The following KCNN2 variants were observed in gnomAD, a reference collection of about 807,000 sequenced individuals.
KCNN2 encodes the protein small conductance calcium-activated potassium channel protein 2.
In KCNN2, 24 loss-of-function variants were observed where a neutral mutation model predicts 55.5. The ratio of observed to expected loss-of-function variants is 0.43; its 90% CI spans 0.31 to 0.61. KCNN2 has a LOEUF of 0.61. Among genes scored for constraint, KCNN2 ranks in the 20% least tolerant of loss-of-function variants. The pLI is 0.08. For missense variants in KCNN2, 754 were observed against 853.6 expected (o/e 0.88, Z 1.45); for synonymous variants, 431 against 336.1 (o/e 1.28, Z -3.09).
At position 114,175,473 on chromosome 5, in the gene KCNN2, T is replaced by C. The variant is rs566053499; in HGVS notation, c.-270-46007T>C. 2.0e-5 allele frequency among the ~76,000 whole-genome samples: 3 copies of C among 152,268 alleles called. No individual in the cohort carries two copies. In the South Asian group the frequency reaches 6.2e-4, roughly 32 times the overall value. On this transcript the variant is annotated intron_variant, in intron 1 of 10. Transcript: ENST00000512097. Reference sequence around the variant, plus strand: ...GGTAAATAACATTTATAATCACATATGGTGGGATCTGCATCACTTTGAAAG... The same window carrying C: ...GGTAAATAACATTTATAATCACATACGGTGGGATCTGCATCACTTTGAAAG...
intron 2 of KCNN2, among the ~76,000 whole-genome samples, chr5:114,379,334 G>A (rs1389279457): frequency 6.6e-6 from 1 of 151,534 alleles, no homozygotes; most frequent in Non-Finnish European, 1.5e-5. Context: ...TGACATTCTT[G>A]TGCCTTCATT....
intron 1 of KCNN2, among the ~76,000 whole-genome samples, chr5:114,114,740 C>A (rs539265102): frequency 1.8e-4 from 28 of 152,226 alleles, no homozygotes; most frequent in African/African-American, 5.8e-4. Flanking sequence ...AATCAATCAT[C>A]TAATCAGCAT....
rs1394808404 is a variant in KCNN2 at position 114,341,081 on chromosome 5, G to T, written c.-184-19864G>T. Among the ~76,000 whole-genome samples, 5 of 152,106 alleles carry T rather than the reference G, an allele frequency of 3.3e-5. No homozygotes were observed. The Middle Eastern group carries it at 0.01, about 310-fold the overall frequency. ...GTATATACCACATTTTCTTTATCCG[G>T]TCATCCATTGGCAGACACTTAGGTT... is the stretch of plus-strand genomic sequence containing the variant. On this transcript the variant is annotated intron_variant, in intron 2 of 10. Coordinates refer to the KCNN2 transcript ENST00000512097.
chr5:114,254,561 A>C (rs1486078305), intron 2 of KCNN2, among the ~76,000 whole-genome samples: 1 of 152,232 alleles, frequency 6.6e-6, no homozygotes, highest in South Asian at 2.1e-4. Flanking sequence ...AAGCAGTCCC[A>C]GTATCTGCAG....
intron 2 of KCNN2, among the ~76,000 whole-genome samples, chr5:114,342,091 C>A (rs191347704): frequency 6.6e-6 from 1 of 151,902 alleles, no homozygotes; most frequent in Admixed American, 6.6e-5. Context: ...TTAGTAGAGA[C>A]GGGGTTTCGC....
At chr5:114,089,011 A>G (rs1007650485) in intron 1 of KCNN2, among the ~76,000 whole-genome samples, 4 of 152,218 alleles carry the variant, frequency 2.6e-5, no homozygotes, top group Non-Finnish European at 5.9e-5. Flanking sequence ...AAACATATTT[A>G]TAATAGATGC....
intron 1 of KCNN2, among the ~76,000 whole-genome samples, chr5:114,149,006 G>A (rs1238352110): frequency 6.6e-6 from 1 of 152,132 alleles, no homozygotes; most frequent in Non-Finnish European, 1.5e-5. Context: ...AGTTGGCAGA[G>A]GGTGGTGCCA....
At chr5:114,097,135 G>T (rs4705623) in intron 1 of KCNN2, among the ~76,000 whole-genome samples, 61,489 of 152,056 alleles carry the variant, frequency 0.4, 13,114 homozygotes, top group East Asian at 0.65. Flanking sequence ...TGAATGGTTA[G>T]ATTTGATAGA....
intron 2 of KCNN2, among the ~76,000 whole-genome samples, chr5:114,266,817 T>C (rs1354799909): frequency 6.6e-6 from 1 of 152,314 alleles, no homozygotes; most frequent in East Asian, 1.9e-4. Flanking sequence ...TTATGTATTC[T>C]GCTCACAGTT....
intron 2 of KCNN2, among the ~76,000 whole-genome samples, chr5:114,341,475 T>C (rs1328136963): frequency 6.6e-6 from 1 of 152,124 alleles, no homozygotes; most frequent in Admixed American, 6.5e-5. Context: ...ATTAGGGGTT[T>C]TCAGATCCTG....
At chr5:114,114,587 G>A (rs1751675594) in intron 1 of KCNN2, among the ~76,000 whole-genome samples, 1 of 152,002 alleles carries the variant, frequency 6.6e-6, no homozygotes, top group Non-Finnish European at 1.5e-5. Flanking sequence ...CTGAGAAAAT[G>A]AAATAAACAA....
At chr5:114,463,377 A>G (rs1417244347) in intron 4 of KCNN2, among the ~76,000 whole-genome samples, 187 bp downstream of exon 4, 3 of 152,220 alleles carry the variant, frequency 2.0e-5, no homozygotes, top group East Asian at 1.9e-4. Flanking sequence ...TCATCATGAA[A>G]TTCTGTTGAA....
At chr5:114,425,771 A>C (rs982447772) in intron 3 of KCNN2, among the ~76,000 whole-genome samples, 3 of 152,110 alleles carry the variant, frequency 2.0e-5, no homozygotes, top group Non-Finnish European at 4.4e-5. Context: ...TCTCATTATT[A>C]AGGGAAAATA....
chr5:114,272,373 A>C (rs1252250444), intron 2 of KCNN2, among the ~76,000 whole-genome samples: 1 of 110,866 alleles, frequency 9.0e-6, no homozygotes, highest in Non-Finnish European at 1.8e-5. Context: ...ACACACACAT[A>C]TGTATGTACA....
At chr5:114,068,405 C>T (rs1011167934) in intron 1 of KCNN2, among the ~76,000 whole-genome samples, 2 of 152,198 alleles carry the variant, frequency 1.3e-5, no homozygotes, top group African/African-American at 4.8e-5. Context: ...CACACATGGT[C>T]TGTAGTTGTA....
intron 2 of KCNN2, among the ~76,000 whole-genome samples, chr5:114,234,408 T>G (rs1472663243): frequency 1.3e-5 from 2 of 152,234 alleles, no homozygotes; most frequent in Non-Finnish European, 2.9e-5. Context: ...TCCTTTTAAC[T>G]TTACGATTCT....
At chr5:114,078,501 G>A (rs750288111) in intron 1 of KCNN2, among the ~76,000 whole-genome samples, 1 of 152,162 alleles carries the variant, frequency 6.6e-6, no homozygotes, top group Non-Finnish European at 1.5e-5. Flanking sequence ...CTTCCCTCAC[G>A]CTCTGAGCCC....
chr5:114,440,068 C>T (rs924356041), intron 3 of KCNN2, among the ~76,000 whole-genome samples: 20 of 152,100 alleles, frequency 1.3e-4, no homozygotes, highest in African/African-American at 4.6e-4. Flanking sequence ...TCCACCCAAC[C>T]ACCCAAGGCT....
At chr5:114,239,851 G>A (rs10038352) in intron 2 of KCNN2, among the ~76,000 whole-genome samples, 126,463 of 152,094 alleles carry the variant, frequency 0.83, 52,635 homozygotes, top group East Asian at 0.89. Flanking sequence ...TCAGTTGAAA[G>A]CACCAAATAA....
Sources: allele counts gnomAD v4.1 joint callset (sites outside exome capture counted in the v4.1 genomes callset), GRCh38; gene constraint gnomAD v4.1.1; transcripts MANE v1.5; gene names NCBI Gene and HGNC (gene_info 2026-07-23, HGNC 2026-07-21).